Variants in GABRB2 observed in about 807,000 individuals in gnomAD.
The protein encoded by GABRB2 is gamma-aminobutyric acid receptor subunit beta-2.
In GABRB2, 16 loss-of-function variants were observed where a neutral mutation model predicts 54.7. The observed-to-expected ratio is 0.29, with a 90% CI of 0.20 to 0.44. The LOEUF is 0.44. GABRB2 is among the 20% of genes least tolerant of loss of function. The pLI is 1.00. For missense variants in GABRB2, 355 were observed against 644.0 expected (o/e 0.55, Z 4.86); for synonymous variants, 244 against 233.8 (o/e 1.04, Z -0.40).
rs1757195179 is a variant in GABRB2 at position 161,290,082 on chromosome 5, A to T, written c.*3999T>A. 6.6e-6 allele frequency: 1 copy of T among 152,574 alleles called. No homozygotes were observed. The highest frequency in any genetic ancestry group is 1.5e-5 in the Non-Finnish European group (1 of 68,008). 9.5% of individuals were successfully genotyped at this position (152,574 alleles called of 1,614,324 possible). ...GCACATTGCCTTACCATAAAATACAAATTAGAAGTTAAAAATATTTAAGAA... is the reference window on the plus strand; with the variant it reads ...GCACATTGCCTTACCATAAAATACATATTAGAAGTTAAAAATATTTAAGAA... On this transcript the variant is annotated 3_prime_UTR_variant, in exon 10 of 10. Transcript: ENST00000393959.
intron 5 of GABRB2, among the ~76,000 whole-genome samples, chr5:161,392,836 A>G (rs1186194285): frequency 6.6e-6 from 1 of 152,188 alleles, no homozygotes; most frequent in Non-Finnish European, 1.5e-5. Context: ...AGGGTTAAGT[A>G]AATCTACAGC....
chr5:161,539,524 A>G (rs1006489845), intron 3 of GABRB2, among the ~76,000 whole-genome samples: 15 of 152,234 alleles, frequency 9.9e-5, no homozygotes, highest in African/African-American at 3.1e-4. Context: ...AAGTCAGAGA[A>G]ACATGGAACT....
At chr5:161,534,994 C>T (rs1760587878) in intron 3 of GABRB2, among the ~76,000 whole-genome samples, 1 of 152,118 alleles carries the variant, frequency 6.6e-6, no homozygotes, top group Admixed American at 6.6e-5. Context: ...ACTGAGACAG[C>T]TTACAGTTCT....
In GABRB2 at chr5:161,301,146, G is replaced by T. The variant is rs367674604; in HGVS notation, c.1192-6718C>A. On this transcript the variant is annotated intron_variant, in intron 9 of 9. Transcript: ENST00000393959. ...TGGCATTTAACCTGTTTGTTCCAAG[G>T]TTTCTGTTCCCAATTACCAAACTAT... 1.2e-4 allele frequency among the ~76,000 whole-genome samples: 18 copies of T among 152,158 alleles called. No homozygotes were observed. The East Asian group carries it at 1.9e-3, about 16-fold the overall frequency.
At chr5:161,395,377 A>G (rs1236788221) in intron 5 of GABRB2, among the ~76,000 whole-genome samples, 3 of 152,154 alleles carry the variant, frequency 2.0e-5, no homozygotes, top group Non-Finnish European at 2.9e-5. Context: ...GGGAATGGCT[A>G]TTCCTTATTC....
chr5:161,456,041 C>T (rs773980205), intron 4 of GABRB2, among the ~76,000 whole-genome samples: 1 of 152,212 alleles, frequency 6.6e-6, no homozygotes, highest in Non-Finnish European at 1.5e-5. Flanking sequence ...ACCTACCCCA[C>T]CAATCTTTGT....
chr5:161,356,662 A>C (rs1413173197), intron 5 of GABRB2, among the ~76,000 whole-genome samples: 1 of 152,150 alleles, frequency 6.6e-6, no homozygotes, highest in Non-Finnish European at 1.5e-5. Context: ...CCTATGAGAA[A>C]GTGGAAGAAG....
chr5:161,328,563 C>G (rs1280749579), intron 8 of GABRB2, among the ~76,000 whole-genome samples: 5 of 151,468 alleles, frequency 3.3e-5, no homozygotes, highest in African/African-American at 4.8e-5. Context: ...ACTTGAAAGA[C>G]TCTAAAATAT....
chr5:161,527,640 G>T (rs1760324589), intron 3 of GABRB2, among the ~76,000 whole-genome samples: 2 of 151,326 alleles, frequency 1.3e-5, no homozygotes, highest in African/African-American at 4.8e-5. Context: ...AAAATGAATT[G>T]TCCAATAGAA....
rs536536447 is a variant in GABRB2, at chr5:161,358,179, A to G, written c.542-21410T>C. On this transcript the variant is annotated intron_variant, in intron 5 of 9. Coordinates refer to ENST00000393959, the MANE Select transcript of GABRB2 (RefSeq NM_001371727.1). ...GGTAAGAAGGAAACCTATTAAGAGTATGGTCAATAAAATCAAAGAAGGAAA... is the reference window on the plus strand; with the variant it reads ...GGTAAGAAGGAAACCTATTAAGAGTGTGGTCAATAAAATCAAAGAAGGAAA... Among the ~76,000 whole-genome samples, 28 of 152,334 alleles carry G rather than the reference A, an allele frequency of 1.8e-4. No individual in the cohort carries two copies. The South Asian group carries it at 5.2e-3, about 28-fold the overall frequency.
intron 3 of GABRB2, among the ~76,000 whole-genome samples, chr5:161,480,125 C>T (rs183390784): frequency 3.3e-5 from 5 of 152,054 alleles, no homozygotes; most frequent in Admixed American, 3.3e-4. Context: ...CAATGGTAGT[C>T]CTTTCTCTTC....
intron 3 of GABRB2, among the ~76,000 whole-genome samples, chr5:161,489,635 A>G (rs1272623109): frequency 6.6e-6 from 1 of 151,674 alleles, no homozygotes; most frequent in African/African-American, 2.4e-5. Context: ...TCAGGTCATA[A>G]GCTCAAGCAA....
intron 4 of GABRB2, among the ~76,000 whole-genome samples, chr5:161,435,341 G>C (rs767480438): frequency 6.6e-6 from 1 of 151,708 alleles, no homozygotes; most frequent in Non-Finnish European, 1.5e-5. Context: ...TGCACAAAAA[G>C]GAATAAATAT....
intron 3 of GABRB2, among the ~76,000 whole-genome samples, chr5:161,528,654 G>C (rs988567341): frequency 1.5e-4 from 22 of 151,696 alleles, no homozygotes; most frequent in African/African-American, 5.1e-4. Flanking sequence ...TTTAACCTAA[G>C]GATTGTTTGC....
chr5:161,541,034 C>T (rs889007275), intron 3 of GABRB2, among the ~76,000 whole-genome samples: 1 of 152,016 alleles, frequency 6.6e-6, no homozygotes, highest in Non-Finnish European at 1.5e-5. Context: ...TTTGTAGAGA[C>T]AGGGTTTCAC....
At chr5:161,452,105 C>A (rs1020151514) in intron 4 of GABRB2, among the ~76,000 whole-genome samples, 1 of 152,106 alleles carries the variant, frequency 6.6e-6, no homozygotes, top group Non-Finnish European at 1.5e-5. Context: ...GTTATGCTCA[C>A]AAAAACATGT....
At chr5:161,438,133 T>C (rs1464171887) in intron 4 of GABRB2, among the ~76,000 whole-genome samples, 1 of 152,138 alleles carries the variant, frequency 6.6e-6, no homozygotes, top group Non-Finnish European at 1.5e-5. Flanking sequence ...CCTAACACAG[T>C]CATAGTGGTG....
intron 3 of GABRB2, among the ~76,000 whole-genome samples, chr5:161,462,025 C>T (rs189296920): frequency 5.4e-4 from 82 of 152,198 alleles, no homozygotes; most frequent in Non-Finnish European, 3.1e-4. Context: ...ATGGGAACAA[C>T]GTAACTCGTT....
At chr5:161,364,554 AG>A (rs1035296092) in intron 5 of GABRB2, among the ~76,000 whole-genome samples, 9 of 152,174 alleles carry the variant, frequency 5.9e-5, no homozygotes, top group Admixed American at 5.2e-4. Context: ...TTGGATTTAA[AG>A]GGATCTTAAA....
Sources: gnomAD v4.1 joint callset for allele counts (sites outside exome capture counted in the v4.1 genomes callset) on GRCh38, gnomAD v4.1.1 for gene constraint, MANE v1.5 for transcripts, NCBI Gene and HGNC (gene_info 2026-07-23, HGNC 2026-07-21) for gene names.